Variants in CSMD3 observed in about 807,000 individuals in gnomAD.
The protein encoded by CSMD3 is CUB and sushi domain-containing protein 3.
A neutral mutation model predicts 435.2 loss-of-function variants in CSMD3; 177 were observed. The ratio of observed to expected loss-of-function variants is 0.41; its 90% CI spans 0.36 to 0.46. The LOEUF (loss-of-function observed/expected upper bound fraction) is 0.46, where lower values mean the gene tolerates loss of function less well. Among genes scored for constraint, CSMD3 ranks in the 20% least tolerant of loss-of-function variants. CSMD3 has a pLI of 0.34. For synonymous variants in CSMD3, 1,656 were observed against 1,520.5 expected (o/e 1.09, Z -2.07); for missense variants, 4,265 against 4,504.6 (o/e 0.95, Z 1.52).
chr8:112,638,950 T>A (rs1439172740), intron 20 of CSMD3, 39 bp from the exon 21 acceptor site: 9 of 1,359,464 alleles, frequency 6.6e-6, no homozygotes, highest in Non-Finnish European at 9.5e-6. Context: ...TACAGGTAGA[T>A]CAGTAAAACA....
intron 13 of CSMD3, among the ~76,000 whole-genome samples, chr8:112,722,322 T>G (rs2076876231): frequency 6.6e-6 from 1 of 152,116 alleles, no homozygotes; most frequent in Non-Finnish European, 1.5e-5. Context: ...CCAGACCTTT[T>G]TGGGCAAACT....
chr8:112,483,773 T>C (rs1308033066), intron 31 of CSMD3, among the ~76,000 whole-genome samples: 1 of 152,132 alleles, frequency 6.6e-6, no homozygotes, highest in Non-Finnish European at 1.5e-5. Flanking sequence ...AGAAGAAACT[T>C]TCTTAGTAGT....
At chr8:112,654,688 T>C (rs1248770666) in intron 18 of CSMD3, among the ~76,000 whole-genome samples, 1 of 152,224 alleles carries the variant, frequency 6.6e-6, no homozygotes. Context: ...ATTGAGAACA[T>C]ACTGCATGTT....
intron 13 of CSMD3, among the ~76,000 whole-genome samples, chr8:112,726,798 GA>G (rs561789319): frequency 3.4e-4 from 51 of 151,696 alleles, no homozygotes; most frequent in African/African-American, 1.2e-3. Context: ...AAAAGATACG[GA>G]AAAAAGGAAA....
At chr8:113,267,328 A>G (rs1241622098) in intron 3 of CSMD3, among the ~76,000 whole-genome samples, 1 of 151,784 alleles carries the variant, frequency 6.6e-6, no homozygotes, top group African/African-American at 2.4e-5. Flanking sequence ...ACTATTCACA[A>G]TAGCAAATAT....
chr8:112,442,531 A>G (rs902837839), intron 32 of CSMD3, among the ~76,000 whole-genome samples: 12 of 152,252 alleles, frequency 7.9e-5, no homozygotes, highest in African/African-American at 2.9e-4. Flanking sequence ...CTGTATCACA[A>G]AGATATTTTT....
At chr8:112,592,310 C>T (rs1439545790) in intron 22 of CSMD3, among the ~76,000 whole-genome samples, 2 of 151,874 alleles carry the variant, frequency 1.3e-5, no homozygotes, top group Non-Finnish European at 2.9e-5. Flanking sequence ...TGCATACAGT[C>T]TTATTTTTTC....
intron 53 of CSMD3, among the ~76,000 whole-genome samples, chr8:112,300,267 TATAA>T (rs1364398797): frequency 1.4e-5 from 2 of 142,276 alleles, no homozygotes; most frequent in African/African-American, 5.5e-5. Context: ...CTTGAGTATG[TATAA>T]ATATATATTT....
intron 27 of CSMD3, among the ~76,000 whole-genome samples, chr8:112,536,912 T>C (rs1230048661): frequency 7.9e-5 from 12 of 151,772 alleles, no homozygotes; most frequent in African/African-American, 2.7e-4. Flanking sequence ...AGTAAACTAT[T>C]GCAAGAACAA....
At chr8:113,427,649 A>AT (rs2094643898) in intron 1 of CSMD3, among the ~76,000 whole-genome samples, 1 of 151,652 alleles carries the variant, frequency 6.6e-6, no homozygotes, top group African/African-American at 2.4e-5. Context: ...ATTTTTAACT[A>AT]AAGGACACTT....
intron 1 of CSMD3, among the ~76,000 whole-genome samples, chr8:113,342,437 T>C (rs2094125920): frequency 6.6e-6 from 1 of 152,148 alleles, no homozygotes; most frequent in Non-Finnish European, 1.5e-5. Flanking sequence ...CAGTATATTA[T>C]TGTAAAGATA....
chr8:112,728,448 A>G (rs2077010328), intron 13 of CSMD3, among the ~76,000 whole-genome samples: 1 of 152,046 alleles, frequency 6.6e-6, no homozygotes, highest in Non-Finnish European at 1.5e-5. Context: ...ATACAAAACC[A>G]AAACTTCCTC....
At chr8:112,437,918 G>A (rs940998075) in intron 32 of CSMD3, among the ~76,000 whole-genome samples, 7 of 151,924 alleles carry the variant, frequency 4.6e-5, no homozygotes, top group Admixed American at 3.3e-4. Flanking sequence ...TTTATTTGTG[G>A]TCCATTCTAT....
At chr8:113,015,022 T>A (rs1477455366) in intron 6 of CSMD3, among the ~76,000 whole-genome samples, 1 of 152,188 alleles carries the variant, frequency 6.6e-6, no homozygotes, top group Non-Finnish European at 1.5e-5. Flanking sequence ...TATTCTTTAC[T>A]TAATATACTA....
chr8:112,818,251 T>C (rs1380534845), intron 12 of CSMD3, among the ~76,000 whole-genome samples: 1 of 152,112 alleles, frequency 6.6e-6, no homozygotes, highest in East Asian at 1.9e-4. Context: ...GTTAAATATG[T>C]ATCAAAGTGA....
chr8:113,023,666 T>C (rs1308529835), intron 5 of CSMD3, among the ~76,000 whole-genome samples: 2 of 152,172 alleles, frequency 1.3e-5, no homozygotes, highest in Non-Finnish European at 2.9e-5. Context: ...CATTTATTGA[T>C]TTACTCTAAA....
intron 5 of CSMD3, among the ~76,000 whole-genome samples, chr8:113,061,327 T>C (rs1477514640): frequency 6.6e-6 from 1 of 152,072 alleles, no homozygotes; most frequent in East Asian, 1.9e-4. Context: ...TAGACTTTAC[T>C]AGGGTTTCAG....
chr8:112,860,812 C>T (rs1351539572), intron 10 of CSMD3, among the ~76,000 whole-genome samples: 1 of 151,820 alleles, frequency 6.6e-6, no homozygotes, highest in Non-Finnish European at 1.5e-5. Flanking sequence ...TTTTTCCCAT[C>T]TGACCCTTAA....
chr8:112,733,884 TACCTC>T (rs1265270000), intron 13 of CSMD3, among the ~76,000 whole-genome samples: 1 of 151,994 alleles, frequency 6.6e-6, no homozygotes, highest in Non-Finnish European at 1.5e-5. Context: ...ATAATAATAA[TACCTC>T]AGACAGGTGC....
Sources: gnomAD v4.1 joint callset for allele counts (sites outside exome capture counted in the v4.1 genomes callset) on GRCh38, gnomAD v4.1.1 for gene constraint, MANE v1.5 for transcripts, NCBI Gene and HGNC (gene_info 2026-07-23, HGNC 2026-07-21) for gene names.